CDC14B: variants seen among roughly 807,000 people sequenced by gnomAD.
CDC14B encodes the protein cell division cycle 14B, also known as dual specificity protein phosphatase CDC14B.
A neutral mutation model predicts 64.2 loss-of-function variants in CDC14B; 22 were observed. That is an observed-to-expected ratio of 0.34 (90% CI 0.24 to 0.49). The LOEUF (loss-of-function observed/expected upper bound fraction) is 0.49. Ranked by LOEUF, CDC14B falls within the 20% of genes least tolerant of loss-of-function variation. The pLI, the probability that CDC14B is intolerant of heterozygous loss-of-function variation, is 0.99. For synonymous variants in CDC14B, 191 were observed against 215.8 expected (o/e 0.89, Z 1.01); for missense variants, 498 against 629.9 (o/e 0.79, Z 2.24).
intron 5 of CDC14B, among the ~76,000 whole-genome samples, chr9:96,545,099 T>C (rs548496178): frequency 8.5e-5 from 13 of 152,228 alleles, no homozygotes; most frequent in Admixed American, 2.6e-4. Flanking sequence ...TTGTCTGTGA[T>C]TGTGTTCAAG....
intron 1 of CDC14B, chr9:96,566,722 G>C: frequency 6.4e-7 from 1 of 1,563,268 alleles, no homozygotes; most frequent in Non-Finnish European, 8.7e-7. Context: ...CTGTCCCAGC[G>C]CGGGTGCCGG....
downstream of CDC14B, among the ~76,000 whole-genome samples, chr9:96,497,702 T>C (rs1833315953): frequency 6.6e-6 from 1 of 152,158 alleles, no homozygotes; most frequent in East Asian, 1.9e-4. Context: ...AGGCAAAATA[T>C]ATATGGCTCT....
At chr9:96,566,563 T>C (rs139743966) in intron 1 of CDC14B, among the ~76,000 whole-genome samples, 216 of 152,246 alleles carry the variant, frequency 1.4e-3, no homozygotes, top group Admixed American at 1.8e-3. Context: ...GCTCACCTAC[T>C]AGGCTCAGGT....
chr9:96,601,004 A>G (rs1846403545), intron 1 of CDC14B, among the ~76,000 whole-genome samples: 2 of 152,192 alleles, frequency 1.3e-5, no homozygotes, highest in South Asian at 4.1e-4. Flanking sequence ...AAAGATATCC[A>G]TGTTTAGAAG....
intron 12 of CDC14B, among the ~76,000 whole-genome samples, chr9:96,519,135 CAAAAATAAAAATA>C (rs1039275083): frequency 7.3e-5 from 11 of 151,400 alleles, no homozygotes; most frequent in South Asian, 4.2e-4. Context: ...TACTCTGTCT[CAAAAATAAAAATA>C]AAAAATAAAA....
chr9:96,550,150 G>A (rs536349907), intron 5 of CDC14B, among the ~76,000 whole-genome samples: 1 of 152,304 alleles, frequency 6.6e-6, no homozygotes, highest in East Asian at 1.9e-4. Flanking sequence ...GAATGTGGTT[G>A]CTATTATGTT....
chr9:96,581,348 A>G (rs760343307), intron 1 of CDC14B, among the ~76,000 whole-genome samples: 2 of 152,238 alleles, frequency 1.3e-5, no homozygotes, highest in South Asian at 4.1e-4. Flanking sequence ...TCATGCCTAT[A>G]GTCCCAGCTA....
intron 1 of CDC14B, among the ~76,000 whole-genome samples, chr9:96,585,366 C>G (rs1368606089): frequency 2.6e-5 from 4 of 152,112 alleles, no homozygotes; most frequent in Admixed American, 2.6e-4. Flanking sequence ...CCCTTGCCCC[C>G]AACCCCCAGA....
rs1407657630 is a variant in CDC14B at position 96,562,696 on chromosome 9, G to A, written c.417C>T (p.Tyr139=). Residue 139 remains tyrosine (Y), a synonymous_variant, in exon 4 of 14, where the codon TAC becomes TAT. Transcript: ENST00000375241. ...QANAAFLVGC[Y]MVIYLGRTPE... is the part of the protein sequence containing the mutation. ...CATTAGGAAAACAAATACTTACCATGTAGCATCCAACAAGGAAGGCAGCAT... is the reference window on the plus strand; with the variant it reads ...CATTAGGAAAACAAATACTTACCATATAGCATCCAACAAGGAAGGCAGCAT... The A allele has an allele frequency of 5.0e-6, 8 of 1,598,326 alleles. No homozygotes were observed. The highest frequency in any genetic ancestry group is 5.0e-5 in the Admixed American group (3 of 59,958).
rs1833734794 is a variant in CDC14B, at chr9:96,503,540, T to G, written c.*213A>C. ...TACAACAGCATGTTTGTCATTCAGCTTGAGAGCTGGACCCTTCTCTGAGTC... is the reference window on the plus strand; with the variant it reads ...TACAACAGCATGTTTGTCATTCAGCGTGAGAGCTGGACCCTTCTCTGAGTC... On this transcript the variant is annotated 3_prime_UTR_variant, in exon 14 of 14. Coordinates refer to ENST00000375241, the MANE Select transcript of CDC14B (RefSeq NM_033331.4). 2 of 568,076 alleles carry G rather than the reference T, an allele frequency of 3.5e-6. No individual in the cohort carries two copies. The highest frequency in any genetic ancestry group is 1.9e-5 in the African/African-American group (1 of 52,326). 35.2% of individuals were successfully genotyped at this position (568,076 alleles called of 1,614,324 possible). A position where few individuals can be genotyped will look rare whatever the true frequency, so the allele number is the denominator to read the frequency against.
At chr9:96,511,777 G>A (rs900230144) in intron 12 of CDC14B, among the ~76,000 whole-genome samples, 2 of 152,182 alleles carry the variant, frequency 1.3e-5, no homozygotes. Context: ...GTGATCATCT[G>A]ATATGTTGAA....
Position 96,619,154 on chromosome 9 carries a change from T to C in CDC14B, c.160+65A>G, listed in dbSNP as rs1156456196. ...AGGCCCCGGGCAGCCCGGTGGGAGG[T>C]GGGCCAGGGCCCCGCGCCGGGTGCG... is the stretch of plus-strand genomic sequence containing the variant. On this transcript the variant is annotated intron_variant, in intron 1 of 13. Transcript: ENST00000375241. The C allele has an allele frequency of 7.6e-6, 9 of 1,190,880 alleles. No homozygotes were observed. In the African/African-American group the frequency reaches 9.7e-5, roughly 13 times the overall value. 73.8% of individuals were successfully genotyped at this position (1,190,880 alleles called of 1,614,324 possible). A position where few individuals can be genotyped will look rare whatever the true frequency, so the allele number is the denominator to read the frequency against.
chr9:96,547,063 A>C (rs1006195130), intron 5 of CDC14B, among the ~76,000 whole-genome samples: 1 of 151,840 alleles, frequency 6.6e-6, no homozygotes, highest in Non-Finnish European at 1.5e-5. Context: ...CTCCGACTCA[A>C]AAAAAAGTAG....
chr9:96,610,629 T>C lies in CDC14B; in HGVS notation c.160+8590A>G, dbSNP rs565447708. Among the ~76,000 whole-genome samples the C allele has an allele frequency of 3.4e-5, 5 of 146,056 alleles. No homozygotes were observed. The East Asian group carries it at 1.0e-3, about 30-fold the overall frequency. On this transcript the variant is annotated intron_variant, in intron 1 of 13. Coordinates refer to ENST00000375241, the MANE Select transcript of CDC14B (RefSeq NM_033331.4). The stretch of plus-strand genomic sequence containing the variant: ...TCTGTCTATTAGTCAAATAAATGTC[T>C]AGAAAGAACTAAATGACCACAAAAA...
intron 1 of CDC14B, among the ~76,000 whole-genome samples, chr9:96,583,203 T>C (rs73656908): frequency 0.01 from 1,563 of 152,144 alleles, 25 homozygotes; most frequent in African/African-American, 0.035. Flanking sequence ...TTGGTGAAAT[T>C]AGTGACTATC....
At chr9:96,496,147 C>T (rs1833228472), downstream of CDC14B, 2 of 375,122 alleles carry the variant, frequency 5.3e-6, no homozygotes, top group African/African-American at 4.2e-5. Flanking sequence ...CCGAGGCCCA[C>T]CTAAAGGAAG....
chr9:96,510,910 T>C (rs1169222599), intron 12 of CDC14B, among the ~76,000 whole-genome samples: 1 of 152,182 alleles, frequency 6.6e-6, no homozygotes, highest in Admixed American at 6.6e-5. Flanking sequence ...ACCAGGCCTA[T>C]ATGCAATTCT....
At chr9:96,585,152 G>C (rs1382299951) in intron 1 of CDC14B, among the ~76,000 whole-genome samples, 2 of 151,598 alleles carry the variant, frequency 1.3e-5, no homozygotes, top group African/African-American at 2.4e-5. Flanking sequence ...AAAATGCATT[G>C]TCATGCCAAT....
At chr9:96,535,250 T>C (rs931273303) in intron 7 of CDC14B, among the ~76,000 whole-genome samples, 2 of 152,096 alleles carry the variant, frequency 1.3e-5, no homozygotes, top group Non-Finnish European at 2.9e-5. Flanking sequence ...GAAGTTGTAG[T>C]GAGCCGAGAT....
Sources: allele counts gnomAD v4.1 joint callset (sites outside exome capture counted in the v4.1 genomes callset), GRCh38; gene constraint gnomAD v4.1.1; transcripts MANE v1.5; gene names NCBI Gene and HGNC (gene_info 2026-07-23, HGNC 2026-07-21).